Variants in KPNA6 observed in about 807,000 individuals in gnomAD.
The protein encoded by KPNA6 is importin subunit alpha-7.
A neutral mutation model predicts 72.0 loss-of-function variants in KPNA6; 9 were observed. The observed-to-expected ratio is 0.13, with a 90% CI of 0.08 to 0.22. The LOEUF (loss-of-function observed/expected upper bound fraction) is 0.22. Among genes scored for constraint, KPNA6 ranks in the 10% least tolerant of loss-of-function variants. The pLI is 1.00. For synonymous variants in KPNA6, 219 were observed against 242.1 expected (o/e 0.90, Z 0.89); for missense variants, 374 against 655.7 (o/e 0.57, Z 4.69).
At position 32,131,280 on chromosome 1, in the gene KPNA6, C is replaced by G. The variant is rs7536852; in HGVS notation, c.4+23146C>G. 2.0e-5 allele frequency among the ~76,000 whole-genome samples: 3 copies of G among 152,176 alleles called. No individual in the cohort carries two copies. The East Asian group carries it at 5.8e-4, about 29-fold the overall frequency. On this transcript the variant is annotated intron_variant, in intron 1 of 13. Coordinates refer to ENST00000373625, the MANE Select transcript of KPNA6 (RefSeq NM_012316.5). The stretch of plus-strand genomic sequence containing the variant: ...TTGCACTCCCGCTGGGCGACAAGAG[C>G]GAAACTTCATCTCAAAAAGAAGAAA...
At chr1:32,130,559 G>C (rs1414858710) in intron 1 of KPNA6, among the ~76,000 whole-genome samples, 1 of 151,664 alleles carries the variant, frequency 6.6e-6, no homozygotes, top group East Asian at 2.0e-4. Flanking sequence ...GCCGAGACGG[G>C]CAAATCACTT....
At chr1:32,131,722 A>C (rs947241382) in intron 1 of KPNA6, among the ~76,000 whole-genome samples, 1 of 150,754 alleles carries the variant, frequency 6.6e-6, no homozygotes, top group South Asian at 2.1e-4. Context: ...ATATATACTT[A>C]AAATTTAAAA....
chr1:32,132,230 C>A (rs940217636), intron 1 of KPNA6, among the ~76,000 whole-genome samples: 1 of 152,124 alleles, frequency 6.6e-6, no homozygotes, highest in African/African-American at 2.4e-5. Context: ...CTTGGCTCCC[C>A]AAAGTGCGGG....
At chr1:32,132,269 C>T (rs1261751083) in intron 1 of KPNA6, among the ~76,000 whole-genome samples, 1 of 151,840 alleles carries the variant, frequency 6.6e-6, no homozygotes, top group African/African-American at 2.4e-5. Context: ...CCATGCCCGG[C>T]CCAGTGGTGT....
At chr1:32,114,126 G>A (rs1001379448) in intron 1 of KPNA6, among the ~76,000 whole-genome samples, 2 of 152,052 alleles carry the variant, frequency 1.3e-5, no homozygotes, top group African/African-American at 4.8e-5. Context: ...CTACAGAATG[G>A]ATGTTGTATT....
chr1:32,115,892 C>T lies in KPNA6; in HGVS notation c.4+7758C>T, dbSNP rs577694530. ...CCAGGTAGCCAGGATAACAGGTGCC[C>T]GCCACCACATCTGGCTAATTTTTGT... On this transcript the variant is annotated intron_variant, in intron 1 of 13. Coordinates refer to ENST00000373625, the MANE Select transcript of KPNA6 (RefSeq NM_012316.5). Among the ~76,000 whole-genome samples the T allele has an allele frequency of 2.9e-4, 44 of 151,748 alleles. 1 individual carries two copies. Among genetic ancestry groups the T allele is most frequent in the Admixed American group, 8.5e-4 (13 of 15,240 alleles).
intron 1 of KPNA6, among the ~76,000 whole-genome samples, chr1:32,132,664 G>C (rs964606552): frequency 5.9e-5 from 9 of 152,156 alleles, no homozygotes; most frequent in African/African-American, 1.7e-4. Context: ...AGCACTTTGG[G>C]AGGCCGAGGC....
At chr1:32,138,315 C>T (rs1641776483) in intron 1 of KPNA6, among the ~76,000 whole-genome samples, 1 of 150,786 alleles carries the variant, frequency 6.6e-6, no homozygotes, top group South Asian at 2.1e-4. Context: ...GAGGCCAAGG[C>T]GGGTGGATCA....
Position 32,159,486 on chromosome 1 carries a change from T to C in KPNA6, c.513T>C (p.Ile171=). Residue 171 remains isoleucine (I), a synonymous_variant, in exon 6 of 14, where the codon ATT becomes ATC. Transcript: ENST00000373625. Reference sequence around the variant, plus strand: ...TCATTGAAGCAGGGGCTGTCCCCATTTTTATAGAGCTGCTTAATTCAGACT... The same window carrying C: ...TCATTGAAGCAGGGGCTGTCCCCATCTTTATAGAGCTGCTTAATTCAGACT... ...KIVIEAGAVP[I]FIELLNSDFE... is the part of the protein sequence containing the mutation. The C allele has an allele frequency of 6.2e-7, 1 of 1,614,170 alleles. No individual in the cohort carries two copies. The highest frequency in any genetic ancestry group is 8.5e-7 in the Non-Finnish European group (1 of 1,180,008).
chr1:32,157,822 C>T (rs1336257316), intron 4 of KPNA6, among the ~76,000 whole-genome samples: 2 of 152,156 alleles, frequency 1.3e-5, no homozygotes, highest in Non-Finnish European at 2.9e-5. Context: ...TTTGTTCCCT[C>T]CTGTGTCCTC....
intron 1 of KPNA6, among the ~76,000 whole-genome samples, chr1:32,137,263 A>G (rs893470638): frequency 1.3e-5 from 2 of 152,116 alleles, no homozygotes; most frequent in African/African-American, 4.8e-5. Context: ...TGTAGTCTCA[A>G]GCTCCGTTCA....
At chr1:32,111,959 G>T (rs59874511) in intron 1 of KPNA6, among the ~76,000 whole-genome samples, 21,953 of 152,012 alleles carry the variant, frequency 0.14, 2,240 homozygotes, top group African/African-American at 0.26. Flanking sequence ...TACTACTACT[G>T]TGCTAACTGG....
At chr1:32,166,324 C>T in intron 11 of KPNA6, 94 bp downstream of exon 11, 2 of 1,455,848 alleles carry the variant, frequency 1.4e-6, no homozygotes, top group South Asian at 1.3e-5. Context: ...ATTTGTTTCC[C>T]TTTAAAAATA....
chr1:32,118,516 T>C (rs1641366187), intron 1 of KPNA6, among the ~76,000 whole-genome samples: 2 of 152,056 alleles, frequency 1.3e-5, no homozygotes, highest in Non-Finnish European at 2.9e-5. Context: ...AGGTATAGGT[T>C]AGGTGCGGTA....
chr1:32,143,572 T>TAA lies in KPNA6; in HGVS notation c.5-11003_5-11002dup, dbSNP rs1304994281. On this transcript the variant is annotated intron_variant, in intron 1 of 13. Coordinates refer to ENST00000373625, the MANE Select transcript of KPNA6 (RefSeq NM_012316.5). ...CGGGTGACAGAGCAAGATTCTGTCTTAAAAAAAAAAAAAAGAAAAGAAAAA... is the reference window on the plus strand; with the variant it reads ...CGGGTGACAGAGCAAGATTCTGTCTTAAAAAAAAAAAAAAAAGAAAAGAAAAA... Among the ~76,000 whole-genome samples the TAA allele has an allele frequency of 5.2e-4, 54 of 104,316 alleles. 1 individual carries two copies. The highest frequency in any genetic ancestry group is 1.7e-3 in the African/African-American group (44 of 26,606). The allele number at this position is 104,316 out of a possible 152,430, so 68.4% of individuals were successfully genotyped here.
At chr1:32,112,497 AT>A (rs966182890) in intron 1 of KPNA6, among the ~76,000 whole-genome samples, 2 of 151,958 alleles carry the variant, frequency 1.3e-5, no homozygotes, top group African/African-American at 4.8e-5. Context: ...TTATTTATTT[AT>A]TTATTTATTT....
intron 7 of KPNA6, 54 bp from the exon 8 acceptor site, chr1:32,161,893 C>T (rs1642244347): frequency 3.0e-6 from 4 of 1,337,606 alleles, no homozygotes; most frequent in Non-Finnish European, 4.3e-6. Context: ...TCATTGGCAA[C>T]AGTCCTATGC....
Position 32,162,442 on chromosome 1 carries a change from T to A in KPNA6, c.829T>A (p.Ser277Thr). The A allele has an allele frequency of 6.2e-7, 1 of 1,614,076 alleles. No individual in the cohort carries two copies. The highest frequency in any genetic ancestry group is 8.5e-7 in the Non-Finnish European group (1 of 1,180,010). Residue 277 changes from serine to threonine, a missense_variant, in exon 9 of 14, where the codon TCT becomes ACT. Ser to Thr is a moderately conservative substitution (Grantham distance 58, BLOSUM62 1). This residue lies in a region of KPNA6 where 298 missense variants were observed against 495.4 expected (regional missense o/e 0.60). Transcript: ENST00000373625. ...DLLADACWAL[S>T]YLSDGPNEKI... is the part of the protein sequence containing the mutation. Reference sequence around the variant, plus strand: ...GCTGGCAGATGCTTGCTGGGCCCTTTCTTATCTGTCTGATGGCCCCAATGA... The same window carrying A: ...GCTGGCAGATGCTTGCTGGGCCCTTACTTATCTGTCTGATGGCCCCAATGA...
intron 1 of KPNA6, among the ~76,000 whole-genome samples, chr1:32,111,478 A>G (rs1252367510): frequency 1.3e-5 from 2 of 152,130 alleles, no homozygotes; most frequent in East Asian, 1.9e-4. Flanking sequence ...CCTCTCCCTC[A>G]TCGTAGCTTG....
Sources: allele counts gnomAD v4.1 joint callset (sites outside exome capture counted in the v4.1 genomes callset), GRCh38; gene constraint gnomAD v4.1.1; regional missense constraint gnomAD v4.1.1; transcripts MANE v1.5; gene names NCBI Gene and HGNC (gene_info 2026-07-23, HGNC 2026-07-21).